LINGO2: variants seen among roughly 807,000 people sequenced by gnomAD.
LINGO2 encodes leucine-rich repeat and immunoglobulin-like domain-containing nogo receptor-interacting protein 2.
Under a neutral mutation model 30.6 loss-of-function variants are expected in LINGO2, and 14 were observed. That is an observed-to-expected ratio of 0.46 (90% CI 0.30 to 0.72). LINGO2 has a LOEUF of 0.72. Ranked by LOEUF, LINGO2 falls within the 30% of genes least tolerant of loss-of-function variation. LINGO2 has a pLI of 0.07. For missense variants in LINGO2, 729 were observed against 751.7 expected (o/e 0.97, Z 0.35); for synonymous variants, 317 against 288.5 (o/e 1.10, Z -1.00).
the LINGO2 span, among the ~76,000 whole-genome samples, chr9:28,816,127 C>T: frequency 2.6e-5 from 4 of 152,124 alleles, no homozygotes; most frequent in South Asian, 8.3e-4. Flanking sequence ...CTAACCCACT[C>T]CCAAGATAAC....
intron 4 of LINGO2, among the ~76,000 whole-genome samples, chr9:28,053,163 G>A (rs1824755871): frequency 6.6e-6 from 1 of 152,066 alleles, no homozygotes; most frequent in African/African-American, 2.4e-5. Flanking sequence ...TGGATTCAAG[G>A]AAATATTTAG....
chr9:27,992,361 G>T (rs1466101727), intron 5 of LINGO2, among the ~76,000 whole-genome samples: 1 of 151,942 alleles, frequency 6.6e-6, no homozygotes, highest in Non-Finnish European at 1.5e-5. Flanking sequence ...ATGATGTGTT[G>T]GTTCAATGTA....
chr9:28,667,202 A>G (rs556717160), intron 1 of LINGO2, among the ~76,000 whole-genome samples: 1 of 152,296 alleles, frequency 6.6e-6, no homozygotes, highest in African/African-American at 2.4e-5. Flanking sequence ...CACTCTGTTT[A>G]TATAGAAATT....
Position 28,053,703 on chromosome 9 carries a change from T to C in LINGO2, c.-86-41298A>G, listed in dbSNP as rs78245494. Among the ~76,000 whole-genome samples, 1,057 of 152,218 alleles carry C rather than the reference T, an allele frequency of 6.9e-3. 20 individuals carry two copies. The highest frequency in any genetic ancestry group is 0.024 in the African/African-American group (988 of 41,534). ...GATGTCGAGGCCTCATCATGAAATC[T>C]TGATATAATAGGTCTATATTGGAAC... On this transcript the variant is annotated intron_variant, in intron 4 of 5. Coordinates refer to ENST00000379992, the Ensembl canonical transcript of LINGO2.
the LINGO2 span, among the ~76,000 whole-genome samples, chr9:28,996,359 G>C: frequency 6.6e-6 from 1 of 152,040 alleles, no homozygotes; most frequent in Non-Finnish European, 1.5e-5. Flanking sequence ...GTTGAACTAC[G>C]TAACTAGATT....
intron 1 of LINGO2, among the ~76,000 whole-genome samples, chr9:28,504,798 A>T (rs1289463300): frequency 6.6e-6 from 1 of 151,906 alleles, no homozygotes; most frequent in Non-Finnish European, 1.5e-5. Flanking sequence ...CTGAGAAATG[A>T]GAAAGAAGTA....
intron 1 of LINGO2, among the ~76,000 whole-genome samples, chr9:28,568,129 C>T (rs1345716147): frequency 6.6e-6 from 1 of 152,072 alleles, no homozygotes; most frequent in African/African-American, 2.4e-5. Flanking sequence ...TTCTGATAAC[C>T]ACCCATGGAT....
the LINGO2 span, among the ~76,000 whole-genome samples, chr9:28,884,938 TA>T: frequency 0.014 from 204 of 14,610 alleles, 22 homozygotes; most frequent in Admixed American, 0.15. Flanking sequence ...ATATTATATA[TA>T]ATATATATAA....
intron 4 of LINGO2, among the ~76,000 whole-genome samples, chr9:28,177,589 T>C (rs1031563910): frequency 8.5e-5 from 13 of 152,302 alleles, no homozygotes; most frequent in Non-Finnish European, 1.6e-4. Context: ...TGATAAGGAA[T>C]GTAAAGCTTG....
chr9:29,048,159 T>A, the LINGO2 span, among the ~76,000 whole-genome samples: 1 of 151,792 alleles, frequency 6.6e-6, no homozygotes, highest in Non-Finnish European at 1.5e-5. Context: ...TCAGTGTCAT[T>A]TCTATATGCC....
intron 4 of LINGO2, among the ~76,000 whole-genome samples, chr9:28,277,837 C>CAAAAAAAAAAAACAAAAA (rs1823176251): frequency 1.3e-4 from 14 of 107,890 alleles, no homozygotes; most frequent in African/African-American, 1.8e-4. Flanking sequence ...CAAAACAAAA[C>CAAAAAAAAAAAACAAAAA]AAAAAAAAAA....
the LINGO2 span, among the ~76,000 whole-genome samples, chr9:28,923,647 T>C: frequency 6.6e-6 from 1 of 151,958 alleles, no homozygotes. Context: ...TCGGGATAAT[T>C]GAATGTAGAC....
chr9:28,238,379 T>C (rs936295267), intron 4 of LINGO2, among the ~76,000 whole-genome samples: 7 of 152,194 alleles, frequency 4.6e-5, no homozygotes, highest in Admixed American at 4.6e-4. Flanking sequence ...TTCTCAAGAA[T>C]AGACCATATG....
intron 2 of LINGO2, among the ~76,000 whole-genome samples, chr9:28,435,204 G>T (rs1281243317): frequency 6.6e-6 from 1 of 151,888 alleles, no homozygotes; most frequent in African/African-American, 2.4e-5. Context: ...GACACTAAAG[G>T]CTATACATTA....
intron 3 of LINGO2, among the ~76,000 whole-genome samples, chr9:28,359,376 T>C (rs193100886): frequency 1.3e-5 from 2 of 152,160 alleles, no homozygotes; most frequent in East Asian, 3.9e-4. Flanking sequence ...TTAACATCAA[T>C]CTTCTTCATT....
chr9:28,617,423 G>A (rs1826182549), intron 1 of LINGO2, among the ~76,000 whole-genome samples: 1 of 151,784 alleles, frequency 6.6e-6, no homozygotes, highest in Non-Finnish European at 1.5e-5. Context: ...AGCCTCCCCA[G>A]TAGCTGGGAC....
the LINGO2 span, among the ~76,000 whole-genome samples, chr9:28,975,695 C>T: frequency 6.6e-6 from 1 of 152,096 alleles, no homozygotes; most frequent in Non-Finnish European, 1.5e-5. Flanking sequence ...AACGTAAGGA[C>T]CTTAAGATTA....
chr9:28,075,287 A>G (rs1453338466), intron 4 of LINGO2, among the ~76,000 whole-genome samples: 1 of 152,036 alleles, frequency 6.6e-6, no homozygotes, highest in Non-Finnish European at 1.5e-5. Flanking sequence ...TGCTGATATA[A>G]GTAGCTTATT....
intron 1 of LINGO2, among the ~76,000 whole-genome samples, chr9:28,632,434 G>A (rs889081942): frequency 6.6e-6 from 1 of 151,146 alleles, no homozygotes; most frequent in Non-Finnish European, 1.5e-5. Context: ...AAGAACAAGA[G>A]GATATTCATA....
Sources: gnomAD v4.1 joint callset for allele counts (sites outside exome capture counted in the v4.1 genomes callset) on GRCh38, gnomAD v4.1.1 for gene constraint, MANE v1.5 for transcripts, NCBI Gene and HGNC (gene_info 2026-07-23, HGNC 2026-07-21) for gene names.